SLC25A21: variants seen among roughly 807,000 people sequenced by gnomAD.
The protein encoded by SLC25A21 is mitochondrial 2-oxodicarboxylate carrier.
Under a neutral mutation model 43.8 loss-of-function variants are expected in SLC25A21, and 47 were observed. The observed-to-expected ratio is 1.07, with a 90% CI of 0.85 to 1.37. The LOEUF (loss-of-function observed/expected upper bound fraction) is 1.37. Among genes scored for constraint, SLC25A21 ranks in the 40% most tolerant of loss-of-function variants. The pLI is 0.00. For synonymous variants in SLC25A21, 131 were observed against 121.3 expected, an observed-to-expected ratio of 1.08 and a Z score of -0.52; for missense variants, 352 against 350.2, an observed-to-expected ratio of 1.00 and a Z score of -0.04.
chr14:36,859,972 T>C (rs928974647), intron 2 of SLC25A21, among the ~76,000 whole-genome samples: 2 of 152,156 alleles, frequency 1.3e-5, no homozygotes, highest in Non-Finnish European at 2.9e-5. Flanking sequence ...AACACTCTTG[T>C]AGGCACTGTG....
chr14:37,119,546 G>A (rs920544007), intron 1 of SLC25A21, among the ~76,000 whole-genome samples: 1 of 132,384 alleles, frequency 7.6e-6, no homozygotes, highest in Non-Finnish European at 1.6e-5. Flanking sequence ...GACAGAGTGA[G>A]ACACCATAAA....
intron 1 of SLC25A21, among the ~76,000 whole-genome samples, chr14:37,043,813 C>G (rs1278696276): frequency 6.6e-6 from 1 of 152,068 alleles, no homozygotes; most frequent in East Asian, 1.9e-4. Flanking sequence ...TGGCTCACTG[C>G]AACATCGAAT....
chr14:36,709,006 CT>C (rs58990948), intron 7 of SLC25A21, among the ~76,000 whole-genome samples: 74,900 of 149,244 alleles, frequency 0.5, 18,626 homozygotes, highest in Admixed American at 0.55. Flanking sequence ...TCTGATTAAT[CT>C]TTTTTTTTTT....
intron 1 of SLC25A21, among the ~76,000 whole-genome samples, chr14:37,070,031 T>C (rs12897101): frequency 0.24 from 36,565 of 152,188 alleles, 4,869 homozygotes; most frequent in Non-Finnish European, 0.29. Flanking sequence ...TCTCCATACC[T>C]GTGCCCTAGA....
chr14:37,072,109 G>A (rs1962185202), intron 1 of SLC25A21, among the ~76,000 whole-genome samples: 1 of 149,144 alleles, frequency 6.7e-6, no homozygotes, highest in African/African-American at 2.5e-5. Context: ...TTGAACCCAG[G>A]AGGCAGACGT....
intron 7 of SLC25A21, among the ~76,000 whole-genome samples, chr14:36,689,306 G>A (rs1409401757): frequency 6.6e-6 from 1 of 152,152 alleles, no homozygotes; most frequent in Non-Finnish European, 1.5e-5. Context: ...CTCCCACTGG[G>A]TCCCTCCTAC....
At chr14:36,917,363 C>T (rs182991995) in intron 1 of SLC25A21, among the ~76,000 whole-genome samples, 177 of 152,228 alleles carry the variant, frequency 1.2e-3, no homozygotes, top group African/African-American at 4.1e-3. Flanking sequence ...GTTGAAATGG[C>T]CATGTTTCTT....
intron 2 of SLC25A21, among the ~76,000 whole-genome samples, chr14:36,824,024 G>A (rs1888729731): frequency 6.6e-6 from 1 of 152,188 alleles, no homozygotes; most frequent in Admixed American, 6.5e-5. Context: ...CCACTCTACA[G>A]AAAGTATGCA....
At chr14:36,845,378 A>G (rs1245300011) in intron 2 of SLC25A21, among the ~76,000 whole-genome samples, 4 of 152,238 alleles carry the variant, frequency 2.6e-5, no homozygotes, top group Non-Finnish European at 1.5e-5. Flanking sequence ...ACAAAGATCA[A>G]ATGCTATTTT....
chr14:37,171,909 T>C (rs1046440880), intron 1 of SLC25A21: 8 of 251,388 alleles, frequency 3.2e-5, no homozygotes, highest in Admixed American at 1.5e-4. Flanking sequence ...GACTCTACAA[T>C]TGATAAAACT....
chr14:37,152,386 A>ATTTTTTT (rs3061885), intron 1 of SLC25A21, among the ~76,000 whole-genome samples: 1 of 140,710 alleles, frequency 7.1e-6, no homozygotes. Flanking sequence ...TTTTATTTCA[A>ATTTTTTT]TTTTTTTTTT....
intron 1 of SLC25A21, among the ~76,000 whole-genome samples, chr14:37,130,806 G>C (rs1011700106): frequency 8.5e-5 from 13 of 152,234 alleles, no homozygotes; most frequent in African/African-American, 2.4e-4. Flanking sequence ...GATTAGATGA[G>C]GCAAAAATAC....
At chr14:36,721,752 T>C (rs1884381186) in intron 6 of SLC25A21, among the ~76,000 whole-genome samples, 1 of 152,286 alleles carries the variant, frequency 6.6e-6, no homozygotes, top group African/African-American at 2.4e-5. Flanking sequence ...CATTCCCACC[T>C]GATCAGTTGA....
intron 1 of SLC25A21, among the ~76,000 whole-genome samples, chr14:36,973,963 A>T (rs1322348714): frequency 1.3e-5 from 2 of 152,242 alleles, no homozygotes; most frequent in Non-Finnish European, 1.5e-5. Context: ...GAAGTCAGCT[A>T]AGAACGGCTA....
intron 1 of SLC25A21, among the ~76,000 whole-genome samples, chr14:37,118,705 T>A (rs1415894870): frequency 6.6e-6 from 1 of 152,214 alleles, no homozygotes; most frequent in Non-Finnish European, 1.5e-5. Context: ...TTCCCTGGAC[T>A]ATCTTTTCTT....
intron 1 of SLC25A21, chr14:37,098,207 T>C (rs1962739207): frequency 6.6e-6 from 1 of 152,250 alleles, no homozygotes; most frequent in Admixed American, 6.5e-5. Flanking sequence ...TTTCATCTAA[T>C]GTCTTTCTCT....
chr14:36,942,121 A>C (rs933887985), intron 1 of SLC25A21, among the ~76,000 whole-genome samples: 1 of 152,106 alleles, frequency 6.6e-6, no homozygotes, highest in Non-Finnish European at 1.5e-5. Flanking sequence ...TCATTCTCTT[A>C]CAATTAACAC....
chr14:37,047,362 C>T (rs1961608357), intron 1 of SLC25A21, among the ~76,000 whole-genome samples: 3 of 152,266 alleles, frequency 2.0e-5, no homozygotes, highest in Admixed American at 6.5e-5. Flanking sequence ...CACAGGATAA[C>T]AGATATGAAT....
chr14:37,022,864 GCAAGCACACTGAAT>G (rs1961016491), intron 1 of SLC25A21, among the ~76,000 whole-genome samples: 1 of 152,002 alleles, frequency 6.6e-6, no homozygotes, highest in South Asian at 2.1e-4. Context: ...TCGTCTTCAA[GCAAGCACACTGAAT>G]TGTGAGTCAA....
Sources: gnomAD v4.1 joint callset for allele counts (sites outside exome capture counted in the v4.1 genomes callset) on GRCh38, gnomAD v4.1.1 for gene constraint, MANE v1.5 for transcripts, NCBI Gene and HGNC (gene_info 2026-07-23, HGNC 2026-07-21) for gene names.